Variants in UBAC2 observed in about 807,000 individuals in gnomAD.
UBAC2 encodes ubiquitin-associated domain-containing protein 2.
A neutral mutation model predicts 44.0 loss-of-function variants in UBAC2; 26 were observed. That is an observed-to-expected ratio of 0.59 (90% CI 0.43 to 0.82). The LOEUF is 0.82. Among genes scored for constraint, UBAC2 ranks in the 40% least tolerant of loss-of-function variants. The pLI, the probability that UBAC2 is intolerant of heterozygous loss-of-function variation, is 0.00. For missense variants in UBAC2, 329 were observed against 419.4 expected (o/e 0.78, Z 1.88); for synonymous variants, 155 against 154.3 (o/e 1.00, Z -0.04).
At chr13:99,228,663 C>T (rs894934036) in intron 1 of UBAC2, among the ~76,000 whole-genome samples, 2 of 152,116 alleles carry the variant, frequency 1.3e-5, no homozygotes, top group African/African-American at 4.8e-5. Flanking sequence ...CTCCATTTTA[C>T]AGGTGAGGAA....
At chr13:99,331,704 G>GA (rs1462913363) in intron 6 of UBAC2, among the ~76,000 whole-genome samples, 2 of 152,228 alleles carry the variant, frequency 1.3e-5, no homozygotes, top group Non-Finnish European at 2.9e-5. Context: ...ACAAATGGCA[G>GA]AAATAACTTT....
intron 4 of UBAC2, among the ~76,000 whole-genome samples, chr13:99,309,558 G>A (rs1188301926): frequency 6.6e-6 from 1 of 152,152 alleles, no homozygotes; most frequent in Non-Finnish European, 1.5e-5. Context: ...AGGGTTTCTT[G>A]AGTTGTGATT....
chr13:99,322,633 A>G (rs1334563180), intron 6 of UBAC2, among the ~76,000 whole-genome samples: 2 of 152,208 alleles, frequency 1.3e-5, no homozygotes, highest in African/African-American at 4.8e-5. Context: ...CATGTACAGT[A>G]TATCAGACTT....
chr13:99,281,687 CTT>C (rs989180564), intron 4 of UBAC2, among the ~76,000 whole-genome samples: 2 of 152,190 alleles, frequency 1.3e-5, no homozygotes, highest in African/African-American at 4.8e-5. Context: ...TCTTGTCTCA[CTT>C]ATGTCTTGAC....
At chr13:99,322,542 G>A (rs2044581937) in intron 6 of UBAC2, among the ~76,000 whole-genome samples, 2 of 152,156 alleles carry the variant, frequency 1.3e-5, no homozygotes, top group Admixed American at 6.5e-5. Flanking sequence ...GTTTGAGAGT[G>A]AATTAACAGG....
intron 6 of UBAC2, among the ~76,000 whole-genome samples, chr13:99,335,986 C>G (rs1344198661): frequency 6.7e-6 from 1 of 149,720 alleles, no homozygotes; most frequent in Non-Finnish European, 1.5e-5. Flanking sequence ...ACACCTCATT[C>G]TCCACAAAAT....
intron 4 of UBAC2, among the ~76,000 whole-genome samples, chr13:99,262,824 A>G (rs184400276): frequency 1.3e-5 from 2 of 150,536 alleles, no homozygotes; most frequent in Admixed American, 6.6e-5. Context: ...GTGGTTGAGG[A>G]TTTTAGTACA....
intron 7 of UBAC2, among the ~76,000 whole-genome samples, chr13:99,364,082 GTCA>G (rs1040424720): frequency 2.0e-5 from 3 of 152,044 alleles, no homozygotes; most frequent in African/African-American, 7.2e-5. Context: ...TAGGTAGACA[GTCA>G]TCATTTGAAT....
intron 4 of UBAC2, among the ~76,000 whole-genome samples, chr13:99,265,549 CAT>C (rs1322431028): frequency 2.8e-4 from 42 of 152,364 alleles, no homozygotes; most frequent in Non-Finnish European, 1.6e-4. Context: ...CTTTGACAGT[CAT>C]GTGGGTACTG....
chr13:99,243,192 A>AAAATGTTT, intron 2 of UBAC2, among the ~76,000 whole-genome samples: 1 of 152,046 alleles, frequency 6.6e-6, no homozygotes, highest in South Asian at 2.1e-4. Flanking sequence ...AAAAATCTGA[A>AAAATGTTT]AAATGTTTAA....
At chr13:99,283,284 G>A (rs1004759561) in intron 4 of UBAC2, among the ~76,000 whole-genome samples, 5 of 152,112 alleles carry the variant, frequency 3.3e-5, no homozygotes, top group Admixed American at 6.5e-5. Flanking sequence ...AGAGACACTT[G>A]ATAATTATTT....
chr13:99,351,399 G>T, intron 7 of UBAC2: 1 of 376,118 alleles, frequency 2.7e-6, no homozygotes, highest in South Asian at 2.0e-5. Context: ...ATTTTAAATG[G>T]TTATATAGGT....
intron 4 of UBAC2, among the ~76,000 whole-genome samples, chr13:99,311,326 G>A (rs1039064700): frequency 6.6e-6 from 1 of 152,164 alleles, no homozygotes; most frequent in Non-Finnish European, 1.5e-5. Flanking sequence ...GGCAGTCAGG[G>A]AGGACCTCTC....
chr13:99,367,352 TG>T (rs2045345097), intron 7 of UBAC2, among the ~76,000 whole-genome samples: 2 of 152,354 alleles, frequency 1.3e-5, no homozygotes, highest in Middle Eastern at 3.4e-3. Flanking sequence ...AGGGCCGTGA[TG>T]GAAACACCAG....
chr13:99,304,059 C>A (rs2044295402), intron 4 of UBAC2, among the ~76,000 whole-genome samples: 2 of 152,150 alleles, frequency 1.3e-5, no homozygotes, highest in African/African-American at 4.8e-5. Flanking sequence ...TCAAACGGGG[C>A]CCATCCAACC....
intron 1 of UBAC2, chr13:99,215,629 G>T (rs1594006329): frequency 3.8e-6 from 5 of 1,325,582 alleles, no homozygotes; most frequent in South Asian, 3.7e-5. Context: ...ACATGTCTGT[G>T]ACCCGTCGTC....
At chr13:99,261,478 A>G (rs757305096) in intron 4 of UBAC2, among the ~76,000 whole-genome samples, 10 of 152,350 alleles carry the variant, frequency 6.6e-5, no homozygotes, top group Middle Eastern at 3.4e-3. Flanking sequence ...TACAGCTATA[A>G]TCTTCTAACC....
intron 1 of UBAC2, among the ~76,000 whole-genome samples, chr13:99,231,896 A>C (rs2043177275): frequency 6.6e-6 from 1 of 152,206 alleles, no homozygotes. Flanking sequence ...GAAGTGACAT[A>C]CATGATTGGT....
chr13:99,326,984 A>G (rs985029867), intron 6 of UBAC2, among the ~76,000 whole-genome samples: 13 of 152,166 alleles, frequency 8.5e-5, no homozygotes, highest in Admixed American at 3.3e-4. Flanking sequence ...CTGTGTGCTG[A>G]CCAATAGCCA....
Sources: allele counts gnomAD v4.1 joint callset (sites outside exome capture counted in the v4.1 genomes callset), GRCh38; gene constraint gnomAD v4.1.1; transcripts MANE v1.5; gene names NCBI Gene and HGNC (gene_info 2026-07-23, HGNC 2026-07-21).